ANGPT1: variants seen among roughly 807,000 people sequenced by gnomAD.
ANGPT1 encodes the protein angiopoietin 1.
ANGPT1 carries 17 observed loss-of-function variants against 62.2 expected under a neutral mutation model. The ratio of observed to expected loss-of-function variants is 0.27; its 90% CI spans 0.19 to 0.41. The LOEUF (loss-of-function observed/expected upper bound fraction) is 0.41. ANGPT1 is among the 10% of genes least tolerant of loss of function. The pLI is 1.00. For missense variants in ANGPT1, 478 were observed against 594.9 expected, an observed-to-expected ratio of 0.80 and a Z score of 2.04; for synonymous variants, 199 against 198.9, an observed-to-expected ratio of 1.00 and a Z score of 0.00.
chr8:107,435,118 T>G (rs1177038645), intron 1 of ANGPT1, among the ~76,000 whole-genome samples: 2 of 152,286 alleles, frequency 1.3e-5, no homozygotes, highest in African/African-American at 4.8e-5. Flanking sequence ...GAGAAAGGAC[T>G]GTAAATGAGC....
chr8:107,476,205 A>C (rs1204495616), intron 1 of ANGPT1, among the ~76,000 whole-genome samples: 2 of 152,226 alleles, frequency 1.3e-5, no homozygotes, highest in Admixed American at 1.3e-4. Context: ...TCAATGATAG[A>C]CTGGATTAAG....
intron 1 of ANGPT1, among the ~76,000 whole-genome samples, chr8:107,413,715 T>C (rs1810653674): frequency 1.3e-5 from 2 of 151,584 alleles, no homozygotes; most frequent in African/African-American, 4.8e-5. Context: ...TGAAATATTT[T>C]TAAAACAAAA....
At chr8:107,487,813 T>G (rs182736028) in intron 1 of ANGPT1, among the ~76,000 whole-genome samples, 40 of 152,312 alleles carry the variant, frequency 2.6e-4, no homozygotes, top group African/African-American at 7.9e-4. Flanking sequence ...AAGTGCCATG[T>G]ATTAGAAGTA....
At chr8:107,310,477 G>GCA (rs531485315) in intron 4 of ANGPT1, among the ~76,000 whole-genome samples, 112 of 152,154 alleles carry the variant, frequency 7.4e-4, no homozygotes, top group Non-Finnish European at 1.2e-3. Flanking sequence ...GCTGACAAGA[G>GCA]CACACCCAAG....
At chr8:107,321,755 C>G in intron 4 of ANGPT1, 141 bp downstream of exon 4, 1 of 649,702 alleles carries the variant, frequency 1.5e-6, no homozygotes, top group Non-Finnish European at 2.5e-6. Flanking sequence ...ATCAACATAA[C>G]TTCATAAATG....
intron 1 of ANGPT1, among the ~76,000 whole-genome samples, chr8:107,349,163 T>TAGATAGAA (rs1815878691): frequency 6.6e-6 from 1 of 152,026 alleles, no homozygotes; most frequent in Admixed American, 6.6e-5. Flanking sequence ...GATAGATAGA[T>TAGATAGAA]AGATCTATGT....
At chr8:107,490,306 G>T (rs1051347348) in intron 1 of ANGPT1, among the ~76,000 whole-genome samples, 2 of 152,208 alleles carry the variant, frequency 1.3e-5, no homozygotes, top group African/African-American at 2.4e-5. Context: ...TAGCACAGAA[G>T]ATCCTGTAGC....
At chr8:107,375,033 G>A (rs1672185) in intron 1 of ANGPT1, among the ~76,000 whole-genome samples, 112,003 of 151,626 alleles carry the variant, frequency 0.74, 42,344 homozygotes, top group East Asian at 0.87. Flanking sequence ...GGTGGCACGC[G>A]CCTACAGTCC....
At chr8:107,360,067 G>A (rs1163263013) in intron 1 of ANGPT1, among the ~76,000 whole-genome samples, 1 of 152,080 alleles carries the variant, frequency 6.6e-6, no homozygotes, top group Non-Finnish European at 1.5e-5. Context: ...GGCTCAGCCA[G>A]TTTTCCTCGT....
At chr8:107,308,711 C>T (rs770407139) in intron 4 of ANGPT1, among the ~76,000 whole-genome samples, 57 of 152,244 alleles carry the variant, frequency 3.7e-4, no homozygotes, top group Middle Eastern at 3.4e-3. Context: ...TCTAGAAAGT[C>T]CTAGGAAGGA....
chr8:107,490,033 A>C (rs1454189161), intron 1 of ANGPT1, among the ~76,000 whole-genome samples: 1 of 152,180 alleles, frequency 6.6e-6, no homozygotes, highest in Non-Finnish European at 1.5e-5. Context: ...AATGAAAACA[A>C]AACCTCCTTA....
chr8:107,489,951 GAAGAA>G (rs1010171507), intron 1 of ANGPT1, among the ~76,000 whole-genome samples: 18 of 149,674 alleles, frequency 1.2e-4, no homozygotes, highest in Admixed American at 3.4e-4. Flanking sequence ...AAAAAAAAAA[GAAGAA>G]AAGAAAAGAA....
intron 7 of ANGPT1, among the ~76,000 whole-genome samples, chr8:107,280,469 G>C (rs1813978437): frequency 6.6e-6 from 1 of 152,164 alleles, no homozygotes; most frequent in African/African-American, 2.4e-5. Flanking sequence ...TAGTATTGAA[G>C]GAGGCAATGG....
intron 1 of ANGPT1, among the ~76,000 whole-genome samples, chr8:107,439,817 G>A (rs55721534): frequency 0.066 from 10,087 of 152,146 alleles, 441 homozygotes; most frequent in African/African-American, 0.11. Context: ...GGCTCACCAG[G>A]AGGCCCTTAA....
At chr8:107,395,414 A>G (rs575268597) in intron 1 of ANGPT1, among the ~76,000 whole-genome samples, 4 of 152,192 alleles carry the variant, frequency 2.6e-5, no homozygotes, top group African/African-American at 7.2e-5. Context: ...ATGTTTCCAT[A>G]TTTTTGTTAA....
At chr8:107,303,452 C>G (rs1814642867) in intron 4 of ANGPT1, 85 bp from the exon 5 acceptor site, 1 of 1,151,588 alleles carries the variant, frequency 8.7e-7, no homozygotes, top group Non-Finnish European at 1.2e-6. Context: ...CTAAGCATGT[C>G]TTCATTTCCT....
At chr8:107,308,807 G>A (rs1814782376) in intron 4 of ANGPT1, among the ~76,000 whole-genome samples, 2 of 152,108 alleles carry the variant, frequency 1.3e-5, no homozygotes, top group East Asian at 3.9e-4. Flanking sequence ...ACAAACAGGT[G>A]CATGTCTGTC....
chr8:107,404,535 T>A (rs985308830), intron 1 of ANGPT1, among the ~76,000 whole-genome samples: 4 of 152,126 alleles, frequency 2.6e-5, no homozygotes, highest in Non-Finnish European at 4.4e-5. Context: ...CTCTAAGCCA[T>A]TACATGTAGA....
chr8:107,404,859 C>A (rs985726273), intron 1 of ANGPT1, among the ~76,000 whole-genome samples: 9 of 152,080 alleles, frequency 5.9e-5, no homozygotes, highest in Non-Finnish European at 1.0e-4. Context: ...CAGCACAGAA[C>A]TTCAGCAAAC....
Sources: allele counts gnomAD v4.1 joint callset (sites outside exome capture counted in the v4.1 genomes callset), GRCh38; gene constraint gnomAD v4.1.1; transcripts MANE v1.5; gene names NCBI Gene and HGNC (gene_info 2026-07-23, HGNC 2026-07-21).